Variants in SYT1 observed in about 807,000 individuals in gnomAD.
SYT1 encodes synaptotagmin 1, also known as synaptotagmin-1.
Under a neutral mutation model 44.8 loss-of-function variants are expected in SYT1, and 8 were observed. That is an observed-to-expected ratio of 0.18 (90% CI 0.10 to 0.32). SYT1 has a LOEUF of 0.32. Ranked by LOEUF, SYT1 falls within the 10% of genes least tolerant of loss-of-function variation. SYT1 has a pLI of 1.00. For synonymous variants in SYT1, 154 were observed against 188.8 expected, an observed-to-expected ratio of 0.82 and a Z score of 1.51; for missense variants, 286 against 509.3, an observed-to-expected ratio of 0.56 and a Z score of 4.22.
chr12:78,970,197 A>G (rs1019448283), intron 1 of SYT1, among the ~76,000 whole-genome samples: 1 of 152,210 alleles, frequency 6.6e-6, no homozygotes, highest in Non-Finnish European at 1.5e-5. Flanking sequence ...GAAAAAAGCA[A>G]AGATGACCTC....
chr12:79,011,160 G>T (rs1247521507), intron 2 of SYT1, among the ~76,000 whole-genome samples: 1 of 152,148 alleles, frequency 6.6e-6, no homozygotes, highest in Non-Finnish European at 1.5e-5. Context: ...AGGAAGTTAA[G>T]GAAGAGACCA....
At chr12:78,889,432 A>C (rs1263499363) in intron 1 of SYT1, among the ~76,000 whole-genome samples, 2 of 152,010 alleles carry the variant, frequency 1.3e-5, no homozygotes, top group Admixed American at 6.6e-5. Flanking sequence ...CATAAATGAC[A>C]GTATAAAAAT....
intron 3 of SYT1, among the ~76,000 whole-genome samples, chr12:79,123,454 A>G (rs1868317891): frequency 6.6e-6 from 1 of 152,046 alleles, no homozygotes; most frequent in African/African-American, 2.4e-5. Context: ...TTGGTCCTCT[A>G]GGTACTAACA....
intron 3 of SYT1, among the ~76,000 whole-genome samples, chr12:79,154,985 A>G (rs17005305): frequency 0.09 from 13,639 of 152,202 alleles, 752 homozygotes; most frequent in African/African-American, 0.15. Context: ...ATGGCACCAC[A>G]ATTTCACTCT....
At chr12:78,866,107 C>T (rs1469163256) in intron 1 of SYT1, among the ~76,000 whole-genome samples, 1 of 152,142 alleles carries the variant, frequency 6.6e-6, no homozygotes, top group Non-Finnish European at 1.5e-5. Context: ...TTGATATTCA[C>T]TTTCTCCAGT....
At position 79,269,689 on chromosome 12, in the gene SYT1, A is replaced by C. The variant is rs554630446; in HGVS notation, c.167-16098A>C. ...GGTACCACATATTACCAACTGTATG[A>C]AAAAGTACACACACACACACACACA... On this transcript the variant is annotated intron_variant, in intron 4 of 10. Transcript: ENST00000261205. Among the ~76,000 whole-genome samples, 83 of 152,044 alleles carry C rather than the reference A, an allele frequency of 5.5e-4. 1 individual carries two copies. Among genetic ancestry groups the C allele is most frequent in the Admixed American group, 9.8e-4 (15 of 15,250 alleles).
chr12:79,172,814 G>A (rs1309909503), intron 3 of SYT1, among the ~76,000 whole-genome samples: 1 of 151,022 alleles, frequency 6.6e-6, no homozygotes, highest in African/African-American at 2.4e-5. Flanking sequence ...TTAAGCCTAT[G>A]TTAGCAGCAT....
At chr12:78,934,159 T>C (rs1312045470) in intron 1 of SYT1, among the ~76,000 whole-genome samples, 1 of 148,060 alleles carries the variant, frequency 6.8e-6, no homozygotes, top group African/African-American at 2.5e-5. Context: ...TGTGCGTGTG[T>C]ACACACACAC....
Position 78,910,708 on chromosome 12 carries a change from G to A in SYT1, c.-217+45599G>A, listed in dbSNP as rs542429741. Among the ~76,000 whole-genome samples, 135 of 152,086 alleles carry A rather than the reference G, an allele frequency of 8.9e-4. 1 individual carries two copies. Among genetic ancestry groups the A allele is most frequent in the African/African-American group, 3.2e-3 (132 of 41,552 alleles). On this transcript the variant is annotated intron_variant, in intron 1 of 10. Transcript: ENST00000261205. ...CAAAAACACGCAAAGTTACAACTCT[G>A]AAAAATTCTACAGAAGAGGGTAAAA...
At chr12:79,120,948 T>G (rs1216329495) in intron 3 of SYT1, among the ~76,000 whole-genome samples, 1 of 146,526 alleles carries the variant, frequency 6.8e-6, no homozygotes, top group Non-Finnish European at 1.5e-5. Context: ...TCTATATATA[T>G]ATATAGATAT....
chr12:78,882,299 G>A (rs988980490), intron 1 of SYT1, among the ~76,000 whole-genome samples: 3 of 151,690 alleles, frequency 2.0e-5, no homozygotes, highest in Non-Finnish European at 3.0e-5. Flanking sequence ...TAATATTGTA[G>A]TCTGGTATAT....
chr12:78,929,933 T>C (rs1300372564), intron 1 of SYT1, among the ~76,000 whole-genome samples: 1 of 151,994 alleles, frequency 6.6e-6, no homozygotes, highest in East Asian at 1.9e-4. Context: ...GAGAACAAAA[T>C]TCAATAAAGA....
intron 3 of SYT1, among the ~76,000 whole-genome samples, chr12:79,076,643 G>T (rs150640273): frequency 0.015 from 2,229 of 152,178 alleles, 27 homozygotes; most frequent in Middle Eastern, 0.075. Flanking sequence ...ATATTTATAA[G>T]AATATAAATT....
chr12:78,915,474 T>C (rs1876600017), intron 1 of SYT1, among the ~76,000 whole-genome samples: 1 of 151,910 alleles, frequency 6.6e-6, no homozygotes, highest in African/African-American at 2.4e-5. Context: ...AGAAAAAAAA[T>C]GTAGAAATGA....
intron 3 of SYT1, among the ~76,000 whole-genome samples, chr12:79,148,719 A>G (rs975879098): frequency 6.6e-6 from 1 of 152,148 alleles, no homozygotes; most frequent in African/African-American, 2.4e-5. Flanking sequence ...CTGAGGTGCT[A>G]TATCTGTATG....
At chr12:79,365,832 C>CCGAAAAAA (rs1883517788) in intron 9 of SYT1, among the ~76,000 whole-genome samples, 1 of 48,558 alleles carries the variant, frequency 2.1e-5, no homozygotes, top group African/African-American at 3.6e-4. Context: ...CAAAGAGTAC[C>CCGAAAAAA]AGAAAAAAAA....
intron 1 of SYT1, among the ~76,000 whole-genome samples, chr12:78,954,600 T>C (rs1490498375): frequency 6.6e-6 from 1 of 152,044 alleles, no homozygotes; most frequent in African/African-American, 2.4e-5. Context: ...AATTTAAGCT[T>C]CATCAGTTTG....
intron 3 of SYT1, among the ~76,000 whole-genome samples, chr12:79,127,623 G>C (rs1169901433): frequency 6.6e-6 from 1 of 151,958 alleles, no homozygotes; most frequent in East Asian, 1.9e-4. Flanking sequence ...GCAGAATAGT[G>C]AACATGAAAA....
chr12:78,994,099 T>A (rs11830062), intron 2 of SYT1, among the ~76,000 whole-genome samples: 18,013 of 152,274 alleles, frequency 0.12, 1,311 homozygotes, highest in Non-Finnish European at 0.17. Flanking sequence ...CGTACTGCTT[T>A]TTATCGAATT....
Sources: gnomAD v4.1 joint callset for allele counts (sites outside exome capture counted in the v4.1 genomes callset) on GRCh38, gnomAD v4.1.1 for gene constraint, MANE v1.5 for transcripts, NCBI Gene and HGNC (gene_info 2026-07-23, HGNC 2026-07-21) for gene names.